CSGALNACT1: variants seen among roughly 807,000 people sequenced by gnomAD.
CSGALNACT1 encodes chondroitin sulfate N-acetylgalactosaminyltransferase 1.
In CSGALNACT1, 52 loss-of-function variants were observed where a neutral mutation model predicts 51.0. That is an observed-to-expected ratio of 1.02 (90% CI 0.82 to 1.29). The LOEUF is 1.29. CSGALNACT1 is among the 50% of genes most tolerant of loss of function. CSGALNACT1 has a pLI of 0.00. For missense variants in CSGALNACT1, 935 were observed against 679.2 expected (o/e 1.38, Z -4.19); for synonymous variants, 341 against 254.4 (o/e 1.34, Z -3.24).
chr8:19,475,255 G>C (rs2069249975), intron 4 of CSGALNACT1, among the ~76,000 whole-genome samples: 1 of 152,184 alleles, frequency 6.6e-6, no homozygotes, highest in Non-Finnish European at 1.5e-5. Context: ...CTGGGAAATA[G>C]ACCAGGTAGA....
chr8:19,489,153 G>C (rs2073802855), intron 4 of CSGALNACT1, among the ~76,000 whole-genome samples: 1 of 152,050 alleles, frequency 6.6e-6, no homozygotes, highest in Admixed American at 6.6e-5. Flanking sequence ...CCCTAGAAGA[G>C]AGAGAAGATG....
intron 3 of CSGALNACT1, among the ~76,000 whole-genome samples, chr8:19,567,227 G>A (rs1303725705): frequency 6.6e-6 from 1 of 152,192 alleles, no homozygotes; most frequent in Non-Finnish European, 1.5e-5. Flanking sequence ...GCCAGTACTT[G>A]CTCAGAACCA....
intron 4 of CSGALNACT1, among the ~76,000 whole-genome samples, chr8:19,472,654 G>T (rs981239876): frequency 5.3e-5 from 8 of 152,170 alleles, no homozygotes; most frequent in Non-Finnish European, 8.8e-5. Flanking sequence ...AATCAACTCG[G>T]CAATCAAAAG....
intron 1 of CSGALNACT1, among the ~76,000 whole-genome samples, chr8:19,688,551 G>C (rs17481277): frequency 0.25 from 38,144 of 151,986 alleles, 5,108 homozygotes; most frequent in Middle Eastern, 0.38. Context: ...TTAAAATCCA[G>C]AAATTATGTC....
intron 3 of CSGALNACT1, among the ~76,000 whole-genome samples, chr8:19,527,888 G>C (rs930290960): frequency 6.6e-6 from 1 of 152,198 alleles, no homozygotes; most frequent in African/African-American, 2.4e-5. Context: ...CTGTACGCCA[G>C]AGAGGTAGAT....
intron 1 of CSGALNACT1, among the ~76,000 whole-genome samples, chr8:19,649,128 A>T (rs2057541366): frequency 1.3e-5 from 2 of 152,244 alleles, no homozygotes. Context: ...TATCTCAATT[A>T]TTTCGTTTGT....
chr8:19,753,052 G>T (rs950498506), intron 1 of CSGALNACT1, among the ~76,000 whole-genome samples: 4 of 152,088 alleles, frequency 2.6e-5, no homozygotes, highest in Non-Finnish European at 5.9e-5. Flanking sequence ...ATAAAGCTTT[G>T]TACCTATCAT....
intron 3 of CSGALNACT1, among the ~76,000 whole-genome samples, chr8:19,530,114 C>T (rs1010636070): frequency 1.3e-5 from 2 of 151,868 alleles, no homozygotes; most frequent in African/African-American, 4.8e-5. Flanking sequence ...CCCAGCTACT[C>T]GGGGGCTGAG....
At chr8:19,617,268 T>C (rs909090628) in intron 1 of CSGALNACT1, among the ~76,000 whole-genome samples, 1 of 152,204 alleles carries the variant, frequency 6.6e-6, no homozygotes, top group Admixed American at 6.5e-5. Flanking sequence ...TAAATACAAA[T>C]GAAGTTTCGC....
chr8:19,548,512 T>A (rs192150694), intron 3 of CSGALNACT1, among the ~76,000 whole-genome samples: 175 of 152,328 alleles, frequency 1.1e-3, no homozygotes, highest in Admixed American at 1.9e-3. Flanking sequence ...AAACAATAGA[T>A]TACTTTTCAA....
chr8:19,464,964 T>C (rs747415437), intron 4 of CSGALNACT1, among the ~76,000 whole-genome samples: 1 of 152,162 alleles, frequency 6.6e-6, no homozygotes, highest in African/African-American at 2.4e-5. Context: ...AGAAATACCA[T>C]ATGATTCAGC....
At chr8:19,740,174 T>C (rs2154249649) in intron 1 of CSGALNACT1, among the ~76,000 whole-genome samples, 2 of 152,268 alleles carry the variant, frequency 1.3e-5, no homozygotes, top group East Asian at 3.9e-4. Context: ...AGCCTGGCTC[T>C]CCATCCCACC....
rs553922821 is a variant in CSGALNACT1, at chr8:19,476,954, C to T, written c.635-18312G>A. 3.3e-5 allele frequency among the ~76,000 whole-genome samples: 5 copies of T among 152,314 alleles called. No individual in the cohort carries two copies. The South Asian group carries it at 6.2e-4, about 19-fold the overall frequency. ...CCTGCTGGGGCAGGGACAAGCCATC[C>T]CCATGTGTCCTTTCTGAATTCCTGA... is the stretch of plus-strand genomic sequence containing the variant. On this transcript the variant is annotated intron_variant, in intron 4 of 9. Transcript: ENST00000454498.
intron 1 of CSGALNACT1, among the ~76,000 whole-genome samples, chr8:19,618,017 T>C (rs1167664025): frequency 3.3e-5 from 5 of 151,926 alleles, no homozygotes; most frequent in Admixed American, 1.3e-4. Context: ...CAGCTAGGAT[T>C]ACAGGCCCTT....
intron 8 of CSGALNACT1, among the ~76,000 whole-genome samples, chr8:19,409,448 T>G (rs2055145196): frequency 6.6e-6 from 1 of 151,892 alleles, no homozygotes; most frequent in African/African-American, 2.4e-5. Flanking sequence ...TCCAATATAT[T>G]TGCTGAAACA....
intron 1 of CSGALNACT1, among the ~76,000 whole-genome samples, chr8:19,640,816 T>G (rs1035785586): frequency 1.8e-4 from 27 of 152,098 alleles, no homozygotes; most frequent in African/African-American, 6.5e-4. Flanking sequence ...GATTATGAAA[T>G]CTTTAGCAAA....
chr8:19,498,002 G>C (rs992367603), intron 4 of CSGALNACT1, among the ~76,000 whole-genome samples: 25 of 152,246 alleles, frequency 1.6e-4, no homozygotes, highest in African/African-American at 6.0e-4. Context: ...GTTGATTGAT[G>C]TCTCATGTCT....
chr8:19,599,525 AAAAG>A (rs1405339707), intron 2 of CSGALNACT1, among the ~76,000 whole-genome samples: 27 of 105,684 alleles, frequency 2.6e-4, no homozygotes, highest in African/African-American at 7.8e-4. Context: ...AGAAAGAAAG[AAAAG>A]AAAGAAAAAG....
At chr8:19,464,521 A>G (rs187107551) in intron 4 of CSGALNACT1, among the ~76,000 whole-genome samples, 16 of 152,204 alleles carry the variant, frequency 1.1e-4, no homozygotes, top group African/African-American at 3.6e-4. Context: ...TTAAGCACAT[A>G]TAACTACTGA....
Sources: allele counts gnomAD v4.1 joint callset (sites outside exome capture counted in the v4.1 genomes callset), GRCh38; gene constraint gnomAD v4.1.1; transcripts MANE v1.5; gene names NCBI Gene and HGNC (gene_info 2026-07-23, HGNC 2026-07-21).